TMEM17: variants seen among roughly 807,000 people sequenced by gnomAD.
TMEM17 encodes the protein transmembrane protein 17.
A neutral mutation model predicts 19.1 loss-of-function variants in TMEM17; 15 were observed. The ratio of observed to expected loss-of-function variants is 0.78; its 90% CI spans 0.52 to 1.21. The LOEUF is 1.21. TMEM17 is among the 50% of genes most tolerant of loss of function. The pLI, the probability that TMEM17 is intolerant of heterozygous loss-of-function variation, is 0.00. For synonymous variants in TMEM17, 103 were observed against 86.9 expected (o/e 1.19, Z -1.03); for missense variants, 245 against 242.3 (o/e 1.01, Z -0.07).
the TMEM17 span, among the ~76,000 whole-genome samples, chr2:62,466,541 C>T: frequency 6.6e-6 from 1 of 152,262 alleles, no homozygotes; most frequent in Admixed American, 6.5e-5. Flanking sequence ...AGGCTAAGTT[C>T]AAGCTCACCA....
chr2:62,479,318 G>T, the TMEM17 span, among the ~76,000 whole-genome samples: 1 of 152,162 alleles, frequency 6.6e-6, no homozygotes, highest in Non-Finnish European at 1.5e-5. Context: ...GACATGCAGG[G>T]AGAGTGTTTA....
downstream of TMEM17, among the ~76,000 whole-genome samples, chr2:62,497,070 A>G (rs569822720): frequency 2.5e-3 from 379 of 152,364 alleles, 1 homozygote; most frequent in Middle Eastern, 0.01. Context: ...ATGAATTAGA[A>G]AAAAGACCCT....
the TMEM17 span, among the ~76,000 whole-genome samples, chr2:62,488,831 T>G: frequency 6.7e-5 from 10 of 149,462 alleles, no homozygotes; most frequent in Admixed American, 2.7e-4. Context: ...AATTAAAAAC[T>G]TCTCCAACCT....
At chr2:62,470,231 C>G in the TMEM17 span, among the ~76,000 whole-genome samples, 2 of 152,232 alleles carry the variant, frequency 1.3e-5, no homozygotes, top group Non-Finnish European at 2.9e-5. Context: ...CTCAATCTCT[C>G]CACCCCTAGG....
At chr2:62,459,549 A>G in the TMEM17 span, among the ~76,000 whole-genome samples, 1 of 152,232 alleles carries the variant, frequency 6.6e-6, no homozygotes, top group South Asian at 2.1e-4. Context: ...GGATTTTACA[A>G]GAAGCTTAAC....
At chr2:62,455,746 G>A in the TMEM17 span, among the ~76,000 whole-genome samples, 2 of 152,188 alleles carry the variant, frequency 1.3e-5, no homozygotes, top group Non-Finnish European at 2.9e-5. Context: ...CAGCCTGGCC[G>A]ACAGAGCAAG....
chr2:62,499,716 A>G (rs1679871307), downstream of TMEM17, among the ~76,000 whole-genome samples: 1 of 152,212 alleles, frequency 6.6e-6, no homozygotes, highest in South Asian at 2.1e-4. Context: ...AAGAAAATTG[A>G]AAAGAGCAGT....
chr2:62,498,479 G>A (rs1352487439), downstream of TMEM17, among the ~76,000 whole-genome samples: 1 of 151,092 alleles, frequency 6.6e-6, no homozygotes, highest in Non-Finnish European at 1.5e-5. Flanking sequence ...CACTTTGGGA[G>A]GCCGAGGCGG....
the TMEM17 span, among the ~76,000 whole-genome samples, chr2:62,468,970 A>C: frequency 6.6e-6 from 1 of 152,250 alleles, no homozygotes; most frequent in East Asian, 1.9e-4. Context: ...ATTAGGGTCT[A>C]TGTCATGTCA....
the TMEM17 span, among the ~76,000 whole-genome samples, chr2:62,480,413 A>G: frequency 1.3e-5 from 2 of 152,256 alleles, no homozygotes; most frequent in Non-Finnish European, 2.9e-5. Context: ...AGCCTTTTCA[A>G]CTTGATGTGA....
chr2:62,457,121 G>A, the TMEM17 span, among the ~76,000 whole-genome samples: 1 of 152,236 alleles, frequency 6.6e-6, no homozygotes, highest in East Asian at 1.9e-4. The surrounding 1 kb of genome is among the most constrained non-coding windows in gnomAD (Gnocchi z 4.2). Context: ...GCCAGCAGGG[G>A]CCAGCATCCC....
At chr2:62,497,129 G>A (rs1404911993), downstream of TMEM17, among the ~76,000 whole-genome samples, 2 of 152,162 alleles carry the variant, frequency 1.3e-5, no homozygotes, top group African/African-American at 4.8e-5. Context: ...ACTATAGTAG[G>A]TTCTATTCAA....
chr2:62,506,006 C>G, intron 1 of TMEM17, 24 bp downstream of exon 1: 1 of 1,595,308 alleles, frequency 6.3e-7, no homozygotes, highest in Non-Finnish European at 8.6e-7. Flanking sequence ...GCCACACCCC[C>G]TGCACCGGGC....
chr2:62,459,113 T>C, the TMEM17 span, among the ~76,000 whole-genome samples: 1 of 152,242 alleles, frequency 6.6e-6, no homozygotes, highest in Non-Finnish European at 1.5e-5. Context: ...GTAAGATAGT[T>C]GGATAATTGT....
chr2:62,460,174 A>G, the TMEM17 span, among the ~76,000 whole-genome samples: 1 of 152,242 alleles, frequency 6.6e-6, no homozygotes, highest in African/African-American at 2.4e-5. Flanking sequence ...CAGGAAAAGC[A>G]TCTACCAGCG....
the TMEM17 span, among the ~76,000 whole-genome samples, chr2:62,482,836 A>C: frequency 2.6e-5 from 4 of 152,218 alleles, no homozygotes; most frequent in Non-Finnish European, 5.9e-5. Context: ...CAGGTTGCAT[A>C]AGCCTATAAA....
In TMEM17 at chr2:62,501,204, CT is replaced by C. The variant is rs1286423242; in HGVS notation, c.*4del. On this transcript the variant is annotated 3_prime_UTR_variant, in exon 4 of 4. Transcript: ENST00000335390. ...TCTGTCAGATTTTCACTCAACAACA[CT>C]GGATCAGATCTCTTCTATACATGAC... is the stretch of plus-strand genomic sequence containing the variant. 6.8e-6 allele frequency: 11 copies of C among 1,610,888 alleles called. No individual in the cohort carries two copies. Among genetic ancestry groups the C allele is most frequent in the Non-Finnish European group, 9.3e-6 (11 of 1,177,654 alleles).
At chr2:62,487,920 C>T in the TMEM17 span, among the ~76,000 whole-genome samples, 1 of 152,182 alleles carries the variant, frequency 6.6e-6, no homozygotes, top group Non-Finnish European at 1.5e-5. Context: ...GTCTCGAACT[C>T]CTGACCTGAG....
At chr2:62,479,063 C>T in the TMEM17 span, among the ~76,000 whole-genome samples, 48 of 152,298 alleles carry the variant, frequency 3.2e-4, no homozygotes, top group African/African-American at 1.1e-3. Context: ...ATCATTTCTT[C>T]GTGTTGGGAA....
Sources: gnomAD v4.1 joint callset for allele counts (sites outside exome capture counted in the v4.1 genomes callset) on GRCh38, gnomAD v4.1.1 for gene constraint, Gnocchi (gnomAD v3.1) non-coding constraint, MANE v1.5 for transcripts, NCBI Gene and HGNC (gene_info 2026-07-23, HGNC 2026-07-21) for gene names.